The following ARAP3 variants were observed in gnomAD, a reference collection of about 807,000 sequenced individuals.
ARAP3 encodes ArfGAP with RhoGAP domain, ankyrin repeat and PH domain 3.
Under a neutral mutation model 169.2 loss-of-function variants are expected in ARAP3, and 82 were observed. That is an observed-to-expected ratio of 0.48 (90% CI 0.41 to 0.58). The LOEUF is 0.58. ARAP3 is among the 20% of genes least tolerant of loss of function. The probability of loss-of-function intolerance (pLI) is 0.00; values close to 1 mark genes in which losing one functional copy is unlikely to be tolerated. For missense variants in ARAP3, 1,764 were observed against 2,018.0 expected, an observed-to-expected ratio of 0.87 and a Z score of 2.41; for synonymous variants, 791 against 800.3, an observed-to-expected ratio of 0.99 and a Z score of 0.20.
rs749953827 is a variant in ARAP3, at chr5:141,666,442, G to T, written c.2554C>A (p.Arg852=). The change falls in exon 17 of 33, where the codon CGG becomes AGG. Residue 852 remains arginine (R), a synonymous_variant. Transcript: ENST00000239440. ...PPAPEDMVHL[R]RLQEISVVSA... is the part of the protein sequence containing the mutation. Reference sequence around the variant, plus strand: ...CGCTTACTGATCTCCTGTAGCCGCCGCAGATGCACCATGTCCTCAGGGGCT... The same window carrying T: ...CGCTTACTGATCTCCTGTAGCCGCCTCAGATGCACCATGTCCTCAGGGGCT... 6.3e-7 allele frequency: 1 copy of T among 1,585,882 alleles called. No homozygotes were observed. Among genetic ancestry groups the T allele is most frequent in the South Asian group, 1.1e-5 (1 of 87,350 alleles).
At chr5:141,667,069 C>G (rs933256787) in intron 16 of ARAP3, among the ~76,000 whole-genome samples, 1 of 151,964 alleles carries the variant, frequency 6.6e-6, no homozygotes, top group Non-Finnish European at 1.5e-5. Flanking sequence ...GCCATCACAC[C>G]TGGCTAATTT....
At chr5:141,661,989 G>T in intron 20 of ARAP3, 54 bp downstream of exon 20, 1 of 1,600,774 alleles carries the variant, frequency 6.2e-7, no homozygotes, top group Admixed American at 1.7e-5. Context: ...GGATTCTGGT[G>T]GGGGAAGGCA....
In ARAP3 at chr5:141,671,279, C is replaced by T; in HGVS notation, c.1976G>A (p.Gly659Asp). The T allele has an allele frequency of 6.2e-7, 1 of 1,609,436 alleles. No individual in the cohort carries two copies. Among genetic ancestry groups the T allele is most frequent in the Non-Finnish European group, 8.5e-7 (1 of 1,177,812 alleles). Reference protein sequence around the residue: ...FPPAPDGSCPGLLPSDPSPGV... With the variant: ...FPPAPDGSCPDLLPSDPSPGV... ...GGGGGAATGACCTGAGGGCAAGAGG[C>T]CAGGGCAGCTGCCATCAGGGGCTGG... Residue 659 changes from glycine to aspartate, a missense_variant, in exon 13 of 33, where the codon GGC (glycine) becomes GAC (aspartate). Gly to Asp is a moderately conservative substitution (Grantham distance 94). Transcript: ENST00000239440. This position sits in a 1 kb window ranked among gnomAD's most constrained non-coding sequence, Gnocchi z 4.9.
intron 6 of ARAP3, 112 bp from the exon 7 acceptor site, chr5:141,673,245 G>A: frequency 6.4e-7 from 1 of 1,571,704 alleles, no homozygotes; most frequent in East Asian, 2.3e-5. Context: ...CAAGCAGTGG[G>A]TACAGCTGCT....
At chr5:141,681,745 A>C (rs1214976972) in intron 1 of ARAP3, among the ~76,000 whole-genome samples, 1 of 150,504 alleles carries the variant, frequency 6.6e-6, no homozygotes, top group Non-Finnish European at 1.5e-5. Flanking sequence ...TCTCCCTGTT[A>C]CTCTTGTGCT....
At chr5:141,663,762 A>G (rs2099910287) in intron 19 of ARAP3, among the ~76,000 whole-genome samples, 1 of 152,268 alleles carries the variant, frequency 6.6e-6, no homozygotes, top group Admixed American at 6.5e-5. Context: ...TCCCATGACT[A>G]GTAACAATTA....
chr5:141,654,526 A>G (rs2099908938), intron 32 of ARAP3, 91 bp from the exon 33 acceptor site: 2 of 1,485,476 alleles, frequency 1.3e-6, no homozygotes, highest in Admixed American at 4.5e-5. Flanking sequence ...CCTCTGGGCC[A>G]GATGCTGTAA....
In ARAP3 at chr5:141,671,796, AG is replaced by A. The variant is rs779232752; in HGVS notation, c.1672-45del. 2.5e-6 allele frequency: 4 copies of A among 1,602,096 alleles called. No individual in the cohort carries two copies. Among genetic ancestry groups the A allele is most frequent in the Admixed American group, 3.4e-5 (2 of 59,274 alleles). ...CAAAGGCAGGTGACAGGAACTCAAG[AG>A]TCCTCAGATGTTCCATTCCTGTCCC... is the stretch of plus-strand genomic sequence containing the variant. On this transcript the variant is annotated intron_variant, in intron 11 of 32. Transcript: ENST00000239440. This position sits in a 1 kb window ranked among gnomAD's most constrained non-coding sequence, Gnocchi z 4.9.
In ARAP3 at chr5:141,659,531, G is replaced by A; in HGVS notation, c.3268-55C>T. 7.6e-6 allele frequency: 12 copies of A among 1,580,326 alleles called. No homozygotes were observed. The South Asian group carries it at 1.1e-4, about 15-fold the overall frequency. On this transcript the variant is annotated intron_variant, in intron 22 of 32. Coordinates refer to ENST00000239440, the MANE Select transcript of ARAP3 (RefSeq NM_022481.6). ...GTGCTGGAAGAGGATCTGCCGGGAA[G>A]ATCTCAAGGCCAAGGAGGACCTGTT...
At position 141,673,062 on chromosome 5, in the gene ARAP3, G is replaced by A. The variant is rs762468870; in HGVS notation, c.1044C>T (p.Phe348=). 1 of 1,614,160 alleles carries A rather than the reference G, an allele frequency of 6.2e-7. No individual in the cohort carries two copies. The highest frequency in any genetic ancestry group is 1.1e-5 in the South Asian group (1 of 91,086). Residue 348 remains phenylalanine, a synonymous_variant, in exon 7 of 33, where the codon TTC becomes TTT. Coordinates refer to ENST00000239440, the MANE Select transcript of ARAP3 (RefSeq NM_022481.6). ...ACACCCTCTGGCCGGTGATGACCTG[G>A]AACTTGTTGTCCTTGCTGCTGCGGG... The part of the protein sequence containing the change: ...EMTRSSKDNK[F]QVITGQRVFV...
At chr5:141,670,424 C>T in intron 14 of ARAP3, 88 bp downstream of exon 14, 1 of 1,388,058 alleles carries the variant, frequency 7.2e-7, no homozygotes, top group Non-Finnish European at 1.0e-6. Flanking sequence ...TTTCCCATCC[C>T]AGCCCTCTCC....
intron 16 of ARAP3, among the ~76,000 whole-genome samples, chr5:141,667,273 AG>A (rs1359964556): frequency 2.0e-5 from 3 of 151,988 alleles, no homozygotes; most frequent in African/African-American, 7.2e-5. Context: ...CCACCACCCT[AG>A]GGGGCTGGGG....
chr5:141,669,947 G>C lies in ARAP3; in HGVS notation c.2224C>G (p.Pro742Ala). The C allele has an allele frequency of 6.2e-7, 1 of 1,600,206 alleles. No individual in the cohort carries two copies. Among genetic ancestry groups the C allele is most frequent in the South Asian group, 1.1e-5 (1 of 90,396 alleles). Residue 742 changes from proline (P) to alanine (A), a missense_variant, in exon 15 of 33, where the codon CCC becomes GCC. Pro to Ala is a conservative substitution (Grantham distance 27, BLOSUM62 -1). Transcript: ENST00000239440. ...CTGTCACCTGGGTCAGTGGGTGGGG[G>C]GCTCACACCCAGACATACAATATCC... ...PQDIVCLGVSPPPTDPGDRFP... is the reference protein window; with the variant it reads ...PQDIVCLGVSAPPTDPGDRFP...
chr5:141,675,684 C>T (rs1420222033), intron 4 of ARAP3, among the ~76,000 whole-genome samples: 1 of 151,184 alleles, frequency 6.6e-6, no homozygotes, highest in Non-Finnish European at 1.5e-5. Context: ...GATCGAGCCA[C>T]TGTACTCCAG....
chr5:141,669,668 G>A (rs1345043378), intron 16 of ARAP3, 41 bp downstream of exon 16: 7 of 1,584,250 alleles, frequency 4.4e-6, no homozygotes, highest in Middle Eastern at 1.8e-4. Context: ...GTGGGGACAA[G>A]GAAAGCATGA....
In ARAP3 at chr5:141,671,353, G is replaced by A. The variant is rs763589784; in HGVS notation, c.1902C>T (p.Thr634=). 2.8e-5 allele frequency: 45 copies of A among 1,613,602 alleles called. No individual in the cohort carries two copies. Among genetic ancestry groups the A allele is most frequent in the Non-Finnish European group, 3.8e-5 (45 of 1,179,832 alleles). ...VARPNLLKNM[T]QLLCVEAFEG... ...CAAAGGCCTCAACACAGAGGAGCTGGGTCATGTTCTTCAGCAGGTTGGGTC... is the reference window on the plus strand; with the variant it reads ...CAAAGGCCTCAACACAGAGGAGCTGAGTCATGTTCTTCAGCAGGTTGGGTC... Residue 634 remains threonine (T), a synonymous_variant, in exon 13 of 33, where the codon ACC becomes ACT. Transcript: ENST00000239440. The surrounding 1 kb of genome is among the most constrained non-coding windows in gnomAD (Gnocchi z 4.9).
chr5:141,680,714 A>G, intron 1 of ARAP3: 1 of 774,806 alleles, frequency 1.3e-6, no homozygotes, highest in Non-Finnish European at 1.9e-6. Context: ...AAGGAAACTG[A>G]GGCCCAGAGA....
At chr5:141,659,613 G>T in intron 22 of ARAP3, 137 bp from the exon 23 acceptor site, 1 of 1,316,712 alleles carries the variant, frequency 7.6e-7, no homozygotes, top group Non-Finnish European at 1.1e-6. Context: ...TGTTGGAAGT[G>T]AAGTTGTGGG....
Position 141,671,685 on chromosome 5 carries a change from C to T in ARAP3, c.1739G>A (p.Gly580Glu). The T allele has an allele frequency of 6.2e-7, 1 of 1,613,130 alleles. No individual in the cohort carries two copies. The highest frequency in any genetic ancestry group is 8.5e-7 in the Non-Finnish European group (1 of 1,179,528). Reference protein sequence around the residue: ...FWAGTLPPGEGLHPDATPGPR... With the variant: ...FWAGTLPPGEELHPDATPGPR... ...GCCAGGGGTCGCATCTGGATGTAGT[C>T]CCTCACCTGGGGGTAGGGTCCCTGC... Residue 580 changes from glycine to glutamate, a missense_variant, in exon 12 of 33, where the codon GGA becomes GAA. Gly to Glu is a moderately conservative substitution (Grantham distance 98). Coordinates refer to ENST00000239440, the MANE Select transcript of ARAP3 (RefSeq NM_022481.6). This position sits in a 1 kb window ranked among gnomAD's most constrained non-coding sequence, Gnocchi z 4.9.
Sources: allele counts gnomAD v4.1 joint callset (sites outside exome capture counted in the v4.1 genomes callset), GRCh38; gene constraint gnomAD v4.1.1; non-coding constraint Gnocchi (gnomAD v3.1); transcripts MANE v1.5; gene names NCBI Gene and HGNC (gene_info 2026-07-23, HGNC 2026-07-21).